The following ZNF225 variants were observed in gnomAD, a reference collection of about 807,000 sequenced individuals.
ZNF225 encodes zinc finger protein 225.
Under a neutral mutation model 12.0 loss-of-function variants are expected in ZNF225, and 6 were observed. That is an observed-to-expected ratio of 0.50 (90% confidence interval 0.27 to 0.98). The LOEUF (loss-of-function observed/expected upper bound fraction) is 0.98, where lower values mean the gene tolerates loss of function less well. Among genes scored for constraint, ZNF225 ranks in the 50% least tolerant of loss-of-function variants. The probability of loss-of-function intolerance (pLI) is 0.11; values close to 1 mark genes in which losing one functional copy is unlikely to be tolerated. For synonymous variants in ZNF225, 271 were observed against 283.2 expected, an observed-to-expected ratio of 0.96 and a Z score of 0.43; for missense variants, 763 against 848.2, an observed-to-expected ratio of 0.90 and a Z score of 1.25.
Position 44,132,797 on chromosome 19 carries a change from TCA to T in ZNF225, c.*63_*64del, listed in dbSNP as rs1968314960. 7.4e-7 allele frequency: 1 copy of T among 1,350,012 alleles called. No homozygotes were observed. Among genetic ancestry groups the T allele is most frequent in the South Asian group, 1.5e-5 (1 of 65,546 alleles). 83.6% of individuals were successfully genotyped at this position (1,350,012 alleles called of 1,614,324 possible). On this transcript the variant is annotated 3_prime_UTR_variant, in exon 5 of 5. Coordinates refer to ENST00000262894, the MANE Select transcript of ZNF225 (RefSeq NM_013362.4). ...AATGCAAGTATACAATGTGTAATGA[TCA>T]AATCAGTGTAATTAACATACCTATC...
chr19:44,129,211 G>A (rs768910927), intron 4 of ZNF225: 5 of 818,126 alleles, frequency 6.1e-6, no homozygotes, highest in Non-Finnish European at 8.2e-6. Context: ...CTAGGTATTT[G>A]ATATTTAGTA....
chr19:44,117,640 C>G (rs1967966519), intron 2 of ZNF225, among the ~76,000 whole-genome samples: 1 of 152,172 alleles, frequency 6.6e-6, no homozygotes, highest in African/African-American at 2.4e-5. Context: ...CAAAGTAAAC[C>G]TACAGGAGGT....
At chr19:44,126,663 G>T (rs564485865) in intron 4 of ZNF225, among the ~76,000 whole-genome samples, 1 of 152,128 alleles carries the variant, frequency 6.6e-6, no homozygotes, top group African/African-American at 2.4e-5. Flanking sequence ...CATCAGGGAG[G>T]GGGAGGGCTA....
chr19:44,114,898 A>G (rs750563262), intron 1 of ZNF225, among the ~76,000 whole-genome samples: 20 of 152,178 alleles, frequency 1.3e-4, no homozygotes, highest in Non-Finnish European at 2.5e-4. Context: ...TCACTTGGCT[A>G]AAGTCATGTT....
intron 4 of ZNF225, among the ~76,000 whole-genome samples, chr19:44,119,774 G>T (rs1056873727): frequency 6.6e-6 from 1 of 152,148 alleles, no homozygotes; most frequent in Non-Finnish European, 1.5e-5. Flanking sequence ...TCATTGTTCT[G>T]TCTACTACTG....
intron 4 of ZNF225, among the ~76,000 whole-genome samples, chr19:44,120,084 G>A (rs1268360859): frequency 6.6e-6 from 1 of 152,202 alleles, no homozygotes; most frequent in Non-Finnish European, 1.5e-5. Context: ...AGGCGTGGTA[G>A]TGTGTGCCTG....
intron 3 of ZNF225, 82 bp from the exon 4 acceptor site, chr19:44,118,400 G>A: frequency 6.2e-7 from 1 of 1,610,746 alleles, no homozygotes; most frequent in Admixed American, 1.7e-5. Flanking sequence ...TATGCATTGG[G>A]AACCTAAGTT....
chr19:44,132,470 C>T lies in ZNF225; in HGVS notation c.1856C>T (p.Thr619Ile). 1 of 1,614,076 alleles carries T rather than the reference C, an allele frequency of 6.2e-7. No individual in the cohort carries two copies. Among genetic ancestry groups the T allele is most frequent in the Non-Finnish European group, 8.5e-7 (1 of 1,179,994 alleles). Reference sequence around the variant, plus strand: ...CTTCATTCCCATCAGAGGGTTCACACTGGGGAAAAGCCATACAAATGTGAG... The same window carrying T: ...CTTCATTCCCATCAGAGGGTTCACATTGGGGAAAAGCCATACAAATGTGAG... ...SQLHSHQRVH[T>I]GEKPYKCEKC... The change falls in exon 5 of 5, where the codon ACT (threonine) becomes ATT (isoleucine). Residue 619 changes from threonine to isoleucine, a missense_variant. Thr to Ile is a moderately conservative substitution (Grantham distance 89). Transcript: ENST00000262894.
Position 44,132,709 on chromosome 19 carries a change from T to C in ZNF225, c.2095T>C (p.Leu699=), listed in dbSNP as rs765437931. Residue 699 remains leucine (L), a synonymous_variant, in exon 5 of 5, where the codon TTG becomes CTG. Coordinates refer to ENST00000262894, the MANE Select transcript of ZNF225 (RefSeq NM_013362.4). The stretch of plus-strand genomic sequence containing the variant: ...GAGGCGCTTGAATCTTGATACGCTT[T>C]TGTCATTATTTTTAAATGACACATA... ...YKRRLNLDTL[L]SLFLNDT is the part of the protein sequence containing the mutation. 1 of 1,602,940 alleles carries C rather than the reference T, an allele frequency of 6.2e-7. No individual in the cohort carries two copies. The highest frequency in any genetic ancestry group is 1.1e-5 in the South Asian group (1 of 89,260).
chr19:44,114,980 C>G (rs1423609341), intron 1 of ZNF225, among the ~76,000 whole-genome samples: 1 of 152,056 alleles, frequency 6.6e-6, no homozygotes, highest in Non-Finnish European at 1.5e-5. Flanking sequence ...TCAAGTTGCT[C>G]TCAATATACA....
upstream of ZNF225, among the ~76,000 whole-genome samples, chr19:44,112,558 C>A (rs1284982151): frequency 6.6e-6 from 1 of 151,920 alleles, no homozygotes; most frequent in Non-Finnish European, 1.5e-5. Flanking sequence ...AAAACGACCA[C>A]GTTAAAAACG....
rs1369353145 is a variant in ZNF225, at chr19:44,131,285, G to C, written c.671G>C (p.Arg224Thr). 1.2e-6 allele frequency: 2 copies of C among 1,614,098 alleles called. No homozygotes were observed. Among genetic ancestry groups the C allele is most frequent in the Non-Finnish European group, 1.7e-6 (2 of 1,180,048 alleles). Residue 224 changes from arginine to threonine, a missense_variant, in exon 5 of 5, where the codon AGA (arginine) becomes ACA (threonine). Coordinates refer to ENST00000262894, the MANE Select transcript of ZNF225 (RefSeq NM_013362.4). The part of the protein sequence containing the change: ...NQSSHLQIHQ[R>T]IHTGEKPFKC... ...AGCTCACATCTGCAAATTCATCAGA[G>C]AATCCACACTGGAGAGAAACCATTC... is the stretch of plus-strand genomic sequence containing the variant.
At chr19:44,114,952 T>TA (rs959175570) in intron 1 of ZNF225, among the ~76,000 whole-genome samples, 1 of 151,992 alleles carries the variant, frequency 6.6e-6, no homozygotes, top group African/African-American at 2.4e-5. Context: ...TTTTTTTTTT[T>TA]ACCCCAGGAA....
At position 44,131,282 on chromosome 19, in the gene ZNF225, A is replaced by G; in HGVS notation, c.668A>G (p.Gln223Arg). Residue 223 changes from glutamine (Q) to arginine (R), a missense_variant, in exon 5 of 5, where the codon CAG becomes CGG. Coordinates refer to ENST00000262894, the MANE Select transcript of ZNF225 (RefSeq NM_013362.4). ...CAGAGCTCACATCTGCAAATTCATCAGAGAATCCACACTGGAGAGAAACCA... is the reference window on the plus strand; with the variant it reads ...CAGAGCTCACATCTGCAAATTCATCGGAGAATCCACACTGGAGAGAAACCA... ...FNQSSHLQIHQRIHTGEKPFK... is the reference protein window; with the variant it reads ...FNQSSHLQIHRRIHTGEKPFK... The G allele has an allele frequency of 6.2e-7, 1 of 1,614,250 alleles. No individual in the cohort carries two copies. The highest frequency in any genetic ancestry group is 2.2e-5 in the East Asian group (1 of 44,880).
intron 4 of ZNF225, among the ~76,000 whole-genome samples, chr19:44,127,324 G>T (rs1968168468): frequency 6.6e-6 from 1 of 152,236 alleles, no homozygotes; most frequent in South Asian, 2.1e-4. Context: ...TCCAGTGAGG[G>T]TGTGTGTTCA....
In ZNF225 at chr19:44,118,172, AT is replaced by A; in HGVS notation, c.16-15del. On this transcript the variant is annotated splice_polypyrimidine_tract_variant and intron_variant, in intron 2 of 4. Coordinates refer to ENST00000262894, the MANE Select transcript of ZNF225 (RefSeq NM_013362.4). ...ATTGGTCATGAGACTGAGGTTGCATATGTTCGATGCTGTAGGAGGCAGTGAC... is the reference window on the plus strand; with the variant it reads ...ATTGGTCATGAGACTGAGGTTGCATAGTTCGATGCTGTAGGAGGCAGTGAC... The A allele has an allele frequency of 6.2e-7, 1 of 1,605,886 alleles. No homozygotes were observed. Among genetic ancestry groups the A allele is most frequent in the African/African-American group, 1.3e-5 (1 of 74,550 alleles).
rs760924955 is a variant in ZNF225, at chr19:44,132,099, G to A, written c.1485G>A (p.Gln495=). The change falls in exon 5 of 5, where the codon CAG becomes CAA. Residue 495 remains glutamine (Q), a synonymous_variant. Transcript: ENST00000262894. ...KCEECGKRFT[Q]NSQLYTHRRV... Reference sequence around the variant, plus strand: ...AAGAATGTGGGAAAAGATTTACTCAGAATTCACAACTTTATACCCATCGTA... The same window carrying A: ...AAGAATGTGGGAAAAGATTTACTCAAAATTCACAACTTTATACCCATCGTA... The A allele has an allele frequency of 4.3e-6, 7 of 1,614,008 alleles. No homozygotes were observed. Among genetic ancestry groups the A allele is most frequent in the South Asian group, 3.3e-5 (3 of 91,052 alleles).
intron 1 of ZNF225, 120 bp from the exon 2 acceptor site, chr19:44,115,640 C>T: frequency 3.8e-6 from 2 of 524,926 alleles, no homozygotes; most frequent in African/African-American, 1.9e-5. Flanking sequence ...TTTTGGGTTA[C>T]TATGAATGAT....
chr19:44,126,958 C>T (rs1229470977), intron 4 of ZNF225, among the ~76,000 whole-genome samples: 1 of 152,258 alleles, frequency 6.6e-6, no homozygotes. Flanking sequence ...TTGCCCCAGG[C>T]TACCACCTCT....
Sources: gnomAD v4.1 joint callset for allele counts (sites outside exome capture counted in the v4.1 genomes callset) on GRCh38, gnomAD v4.1.1 for gene constraint, MANE v1.5 for transcripts, NCBI Gene and HGNC (gene_info 2026-07-23, HGNC 2026-07-21) for gene names.